Variants in ABLIM2 observed in about 807,000 individuals in gnomAD.
ABLIM2 encodes actin-binding LIM protein 2.
In ABLIM2, 53 loss-of-function variants were observed where a neutral mutation model predicts 97.7. The observed-to-expected ratio is 0.54, with a 90% CI of 0.44 to 0.68. The LOEUF (loss-of-function observed/expected upper bound fraction) is 0.68. Ranked by LOEUF, ABLIM2 falls within the 30% of genes least tolerant of loss-of-function variation. ABLIM2 has a pLI of 0.00. For synonymous variants in ABLIM2, 361 were observed against 345.8 expected (o/e 1.04, Z -0.49); for missense variants, 835 against 867.2 (o/e 0.96, Z 0.47).
At chr4:8,157,257 G>A (rs1715659835) in intron 1 of ABLIM2, among the ~76,000 whole-genome samples, 2 of 151,850 alleles carry the variant, frequency 1.3e-5, no homozygotes, top group African/African-American at 4.8e-5. Flanking sequence ...TCTCCCTGAT[G>A]ACAGGGGGGA....
Position 8,019,498 on chromosome 4 carries a change from G to A in ABLIM2, c.1423+120C>T, listed in dbSNP as rs1771978673. 3 of 917,208 alleles carry A rather than the reference G, an allele frequency of 3.3e-6. No individual in the cohort carries two copies. Among genetic ancestry groups the A allele is most frequent in the South Asian group, 1.7e-5 (1 of 58,352 alleles). The allele number at this position is 917,208 out of a possible 1,614,324, so 56.8% of individuals were successfully genotyped here. A position where few individuals can be genotyped will look rare whatever the true frequency, so the allele number is the denominator to read the frequency against. ...TTGCATTTAATAGTCAGACTGCTAAGGGCCTTGGTGGTGCCTTCACTGCAT... is the reference window on the plus strand; with the variant it reads ...TTGCATTTAATAGTCAGACTGCTAAAGGCCTTGGTGGTGCCTTCACTGCAT... On this transcript the variant is annotated intron_variant, in intron 14 of 20. Transcript: ENST00000447017. This position sits in a 1 kb window ranked among gnomAD's most constrained non-coding sequence, Gnocchi z 4.3.
intron 1 of ABLIM2, among the ~76,000 whole-genome samples, chr4:8,141,185 C>T (rs1850927547): frequency 6.6e-6 from 1 of 152,104 alleles, no homozygotes; most frequent in African/African-American, 2.4e-5. Flanking sequence ...CTTGGCCACC[C>T]CCTCTCCCCA....
At chr4:8,029,261 G>A (rs1407366898) in intron 11 of ABLIM2, among the ~76,000 whole-genome samples, 4 of 152,136 alleles carry the variant, frequency 2.6e-5, no homozygotes, top group Admixed American at 1.3e-4. Context: ...CACATCTTCC[G>A]AGACCCACAT....
chr4:8,123,780 C>T lies in ABLIM2; in HGVS notation c.11-17143G>A, dbSNP rs540854686. 6.6e-6 allele frequency among the ~76,000 whole-genome samples: 1 copy of T among 152,264 alleles called. No homozygotes were observed. Among genetic ancestry groups the T allele is most frequent in the African/African-American group, 2.4e-5 (1 of 41,532 alleles). The stretch of plus-strand genomic sequence containing the variant: ...GTGTGCCGGCATTGGGTCACACAGC[C>T]CAACTGGGGTGACAAGGTCCTGGCT... On this transcript the variant is annotated intron_variant, in intron 1 of 20. Coordinates refer to ENST00000447017, the MANE Select transcript of ABLIM2 (RefSeq NM_001130083.2). This position sits in a 1 kb window ranked among gnomAD's most constrained non-coding sequence, Gnocchi z 6.2.
intron 17 of ABLIM2, chr4:7,989,368 T>A (rs1746947453): frequency 1.0e-6 from 1 of 982,428 alleles, no homozygotes; most frequent in Non-Finnish European, 1.2e-6. Context: ...CCTGAACCAC[T>A]TTGCCTGGCC....
Position 8,106,525 on chromosome 4 carries a change from C to G in ABLIM2, c.123G>C (p.Lys41Asn). ...CKGEVLRVQD[K>N]YFHIKCFVCK... ...AGACGAAGCACTTGATGTGGAAGTA[C>G]TTGTCCTGCACCCGCAGCACCTCGC... is the stretch of plus-strand genomic sequence containing the variant. The change falls in exon 2 of 21, where the codon AAG (lysine) becomes AAC (asparagine). Residue 41 changes from lysine to asparagine, a missense_variant. Coordinates refer to ENST00000447017, the MANE Select transcript of ABLIM2 (RefSeq NM_001130083.2). 1 of 1,601,452 alleles carries G rather than the reference C, an allele frequency of 6.2e-7. No homozygotes were observed. Among genetic ancestry groups the G allele is most frequent in the African/African-American group, 1.3e-5 (1 of 74,834 alleles).
chr4:8,035,371 T>C (rs915214941), intron 10 of ABLIM2, among the ~76,000 whole-genome samples: 1 of 152,142 alleles, frequency 6.6e-6, no homozygotes, highest in Non-Finnish European at 1.5e-5. Context: ...CTTGCTTCCC[T>C]GGAGGCCCTT....
chr4:7,974,758 T>TATCCATCC (rs1731621740), intron 20 of ABLIM2, among the ~76,000 whole-genome samples: 1 of 151,932 alleles, frequency 6.6e-6, no homozygotes, highest in South Asian at 2.1e-4. Context: ...CTCATCCATC[T>TATCCATCC]ATCCATCCAT....
At position 8,125,497 on chromosome 4, in the gene ABLIM2, C is replaced by T. The variant is rs1847458574; in HGVS notation, c.11-18860G>A. Among the ~76,000 whole-genome samples the T allele has an allele frequency of 6.6e-6, 1 of 152,198 alleles. No homozygotes were observed. The highest frequency in any genetic ancestry group is 2.4e-5 in the African/African-American group (1 of 41,454). On this transcript the variant is annotated intron_variant, in intron 1 of 20. Coordinates refer to ENST00000447017, the MANE Select transcript of ABLIM2 (RefSeq NM_001130083.2). The surrounding 1 kb of genome is among the most constrained non-coding windows in gnomAD (Gnocchi z 6.2). ...GTTTGCCTGGGGCCTTGGTGCCAGA[C>T]TGCTTCTGGGATGGCTCTGCCATCA...
Position 8,128,252 on chromosome 4 carries a change from T to C in ABLIM2, c.11-21615A>G, listed in dbSNP as rs746032080. Among the ~76,000 whole-genome samples the C allele has an allele frequency of 5.3e-5, 8 of 152,190 alleles. No individual in the cohort carries two copies. Among genetic ancestry groups the C allele is most frequent in the Non-Finnish European group, 5.9e-5 (4 of 68,032 alleles). ...CAGTCACTGCATTTGGGGTCCGCCCTCATCCACAATGACCTCATCTCCATC... is the reference window on the plus strand; with the variant it reads ...CAGTCACTGCATTTGGGGTCCGCCCCCATCCACAATGACCTCATCTCCATC... On this transcript the variant is annotated intron_variant, in intron 1 of 20. Coordinates refer to ENST00000447017, the MANE Select transcript of ABLIM2 (RefSeq NM_001130083.2). The surrounding 1 kb of genome is among the most constrained non-coding windows in gnomAD (Gnocchi z 4.9).
intron 1 of ABLIM2, among the ~76,000 whole-genome samples, chr4:8,146,818 C>T (rs1851876090): frequency 6.6e-6 from 1 of 151,696 alleles, no homozygotes; most frequent in African/African-American, 2.4e-5. Flanking sequence ...GTGTGAGCCA[C>T]CATGCCCAGT....
intron 6 of ABLIM2, among the ~76,000 whole-genome samples, chr4:8,062,431 T>C (rs1178028235): frequency 1.3e-5 from 2 of 151,672 alleles, no homozygotes; most frequent in Non-Finnish European, 2.9e-5. Flanking sequence ...GTGGTCTGGG[T>C]AGCACTCTTT....
rs548458629 is a variant in ABLIM2, at chr4:8,148,630, G to A, written c.10+10050C>T. On this transcript the variant is annotated intron_variant, in intron 1 of 20. Coordinates refer to ENST00000447017, the MANE Select transcript of ABLIM2 (RefSeq NM_001130083.2). The surrounding 1 kb of genome is among the most constrained non-coding windows in gnomAD (Gnocchi z 6.7). ...GGTGCTGGGTCCACACTGGGGAAGC[G>A]CGTAAGCCGTTCCCCCGTGGGCATG... Among the ~76,000 whole-genome samples the A allele has an allele frequency of 5.3e-5, 8 of 152,300 alleles. No homozygotes were observed. Among genetic ancestry groups the A allele is most frequent in the Admixed American group, 4.6e-4 (7 of 15,310 alleles).
chr4:7,973,417 C>T (rs1354983380), intron 20 of ABLIM2, among the ~76,000 whole-genome samples: 1 of 151,580 alleles, frequency 6.6e-6, no homozygotes, highest in East Asian at 2.0e-4. Flanking sequence ...AGGAGAATCA[C>T]TTAAATCCAG....
chr4:7,974,885 G>A lies in ABLIM2; in HGVS notation c.1825-7782C>T, dbSNP rs1425501714. Reference sequence around the variant, plus strand: ...TTCCTATCTAAGGAGCAATATGCCTGTCTGTACTGGGAAGTTGGGGACACC... The same window carrying A: ...TTCCTATCTAAGGAGCAATATGCCTATCTGTACTGGGAAGTTGGGGACACC... On this transcript the variant is annotated intron_variant, in intron 20 of 20. Coordinates refer to ENST00000447017, the MANE Select transcript of ABLIM2 (RefSeq NM_001130083.2). Among the ~76,000 whole-genome samples the A allele has an allele frequency of 3.3e-5, 5 of 152,338 alleles. No homozygotes were observed. The East Asian group carries it at 9.6e-4, about 29-fold the overall frequency.
chr4:8,060,810 C>G (rs1376510773), intron 7 of ABLIM2, among the ~76,000 whole-genome samples, 157 bp downstream of exon 7: 1 of 152,276 alleles, frequency 6.6e-6, no homozygotes, highest in Non-Finnish European at 1.5e-5. Context: ...CTGGCACGTG[C>G]CACCGCCCTG....
chr4:8,152,011 G>A (rs1393556232), intron 1 of ABLIM2, among the ~76,000 whole-genome samples: 1 of 152,114 alleles, frequency 6.6e-6, no homozygotes, highest in African/African-American at 2.4e-5. Flanking sequence ...GGCGGGTTTG[G>A]GTCTTGTCCT....
chr4:8,153,873 G>A (rs1042394554), intron 1 of ABLIM2, among the ~76,000 whole-genome samples: 9 of 152,186 alleles, frequency 5.9e-5, no homozygotes, highest in East Asian at 3.9e-4. Flanking sequence ...GGCACTTCCC[G>A]ACATTGCCTC....
chr4:7,984,744 A>G, intron 18 of ABLIM2, 95 bp downstream of exon 18: 1 of 1,356,570 alleles, frequency 7.4e-7, no homozygotes, highest in Non-Finnish European at 1.0e-6. Context: ...AGCCTTCTGC[A>G]GGCTGCGGAT....
Sources: gnomAD v4.1 joint callset for allele counts (sites outside exome capture counted in the v4.1 genomes callset) on GRCh38, gnomAD v4.1.1 for gene constraint, Gnocchi (gnomAD v3.1) non-coding constraint, MANE v1.5 for transcripts, NCBI Gene and HGNC (gene_info 2026-07-23, HGNC 2026-07-21) for gene names.